LEKR1: variants seen among roughly 807,000 people sequenced by gnomAD.
LEKR1 encodes the protein leucine, glutamate and lysine rich 1, also known as protein LEKR1.
LEKR1 carries 59 observed loss-of-function variants against 72.4 expected under a neutral mutation model. The observed-to-expected ratio is 0.82, with a 90% CI of 0.66 to 1.01. The LOEUF is 1.01. Ranked by LOEUF, LEKR1 falls within the 50% of genes least tolerant of loss-of-function variation. LEKR1 has a pLI of 0.00. For synonymous variants in LEKR1, 257 were observed against 263.2 expected (o/e 0.98, Z 0.23); for missense variants, 728 against 759.2 (o/e 0.96, Z 0.48).
chr3:156,850,679 A>G lies in LEKR1; in HGVS notation c.49-2089A>G, dbSNP rs183458393. Among the ~76,000 whole-genome samples, 397 of 152,278 alleles carry G rather than the reference A, an allele frequency of 2.6e-3. 2 individuals carry two copies. The highest frequency in any genetic ancestry group is 2.6e-4 in the Non-Finnish European group (18 of 68,002). The stretch of plus-strand genomic sequence containing the variant: ...AAGTGCCTGAATCTTCAACAATTAC[A>G]GGCCCAGTTGGCTCATACCAGCTTG... On this transcript the variant is annotated intron_variant, in intron 2 of 12. Transcript: ENST00000356539.
intron 9 of LEKR1, among the ~76,000 whole-genome samples, chr3:157,003,817 A>G (rs956887258): frequency 3.9e-5 from 6 of 152,166 alleles, no homozygotes; most frequent in African/African-American, 1.4e-4. Flanking sequence ...TGTAGCAACC[A>G]CTAAAATAAA....
intron 3 of LEKR1, among the ~76,000 whole-genome samples, chr3:156,887,863 C>T (rs1180935666): frequency 6.6e-6 from 1 of 152,014 alleles, no homozygotes; most frequent in Non-Finnish European, 1.5e-5. Context: ...GATGGTATAT[C>T]TTGAGAAATA....
At chr3:156,858,157 T>C (rs1236447140) in intron 3 of LEKR1, among the ~76,000 whole-genome samples, 7 of 152,152 alleles carry the variant, frequency 4.6e-5, no homozygotes, top group Admixed American at 2.0e-4. Context: ...TATTATAGAG[T>C]ATCCTCTTAT....
intron 9 of LEKR1, among the ~76,000 whole-genome samples, chr3:157,001,926 T>C (rs1267202973): frequency 2.6e-5 from 4 of 152,168 alleles, no homozygotes; most frequent in African/African-American, 9.7e-5. Flanking sequence ...GCTGTAGGGA[T>C]GGATGCATGC....
chr3:156,851,072 T>C (rs1715301241), intron 2 of LEKR1: 1 of 152,086 alleles, frequency 6.6e-6, no homozygotes, highest in Non-Finnish European at 1.5e-5. Context: ...TCTTCTCTCA[T>C]TCTGTTTTAG....
At chr3:157,007,392 G>A (rs1732541327) in intron 9 of LEKR1, among the ~76,000 whole-genome samples, 1 of 152,088 alleles carries the variant, frequency 6.6e-6, no homozygotes, top group Non-Finnish European at 1.5e-5. Context: ...TAGGAGCTGC[G>A]GCAAAAATTG....
At chr3:157,019,614 T>C (rs1733649799) in intron 10 of LEKR1, among the ~76,000 whole-genome samples, 1 of 152,208 alleles carries the variant, frequency 6.6e-6, no homozygotes, top group African/African-American at 2.4e-5. Flanking sequence ...AAAATTACTA[T>C]TAGTTATTGT....
At chr3:156,915,489 T>C (rs1033320725) in intron 3 of LEKR1, among the ~76,000 whole-genome samples, 1 of 152,170 alleles carries the variant, frequency 6.6e-6, no homozygotes, top group Non-Finnish European at 1.5e-5. Context: ...GTGTTTTGAT[T>C]TGCATTTCTC....
chr3:156,916,489 G>T (rs1484010352), intron 3 of LEKR1, among the ~76,000 whole-genome samples: 1 of 151,878 alleles, frequency 6.6e-6, no homozygotes, highest in African/African-American at 2.4e-5. Context: ...CTGGTTAACT[G>T]TTTTCCTATT....
Position 156,865,643 on chromosome 3 carries a change from C to A in LEKR1, c.263+12661C>A, listed in dbSNP as rs1324607400. ...CATTTTCAATTCATTCTTTATTCTG[C>A]AACCTGGTGGTTGTGTCAGAATGCA... On this transcript the variant is annotated intron_variant, in intron 3 of 12. Transcript: ENST00000356539. Among the ~76,000 whole-genome samples, 3 of 152,052 alleles carry A rather than the reference C, an allele frequency of 2.0e-5. No homozygotes were observed. In the East Asian group the frequency reaches 5.8e-4, roughly 29 times the overall value.
chr3:157,024,628 C>T (rs1164582842), intron 10 of LEKR1, 132 bp from the exon 11 acceptor site: 2 of 740,306 alleles, frequency 2.7e-6, no homozygotes, highest in African/African-American at 3.7e-5. Context: ...TTTTTGAACA[C>T]TAGAATTTTT....
At chr3:157,013,385 T>A (rs759899256) in intron 10 of LEKR1, among the ~76,000 whole-genome samples, 11 of 152,176 alleles carry the variant, frequency 7.2e-5, no homozygotes, top group Non-Finnish European at 1.0e-4. Context: ...CTTGAGGTGC[T>A]AACACAGAGT....
At chr3:156,977,550 A>G in intron 6 of LEKR1, 1 of 350,536 alleles carries the variant, frequency 2.9e-6, no homozygotes, top group Non-Finnish European at 5.6e-6. Flanking sequence ...TTGGTGGATA[A>G]CTCAAAGGAA....
chr3:156,995,709 A>G (rs1224265204), intron 9 of LEKR1, among the ~76,000 whole-genome samples: 1 of 152,150 alleles, frequency 6.6e-6, no homozygotes, highest in Admixed American at 6.5e-5. Flanking sequence ...GCTCATGCCT[A>G]TAATCCCAGC....
chr3:156,901,252 T>C (rs1308588452), intron 3 of LEKR1, among the ~76,000 whole-genome samples: 1 of 152,216 alleles, frequency 6.6e-6, no homozygotes, highest in Non-Finnish European at 1.5e-5. Context: ...TTGTCTGCTT[T>C]CAGCAGTACT....
At chr3:156,856,215 A>G (rs1716042447) in intron 3 of LEKR1, among the ~76,000 whole-genome samples, 1 of 152,152 alleles carries the variant, frequency 6.6e-6, no homozygotes, top group Admixed American at 6.6e-5. Context: ...AATATCACTT[A>G]TTAAATTCTT....
At chr3:156,876,957 CT>C (rs35693679) in intron 3 of LEKR1, among the ~76,000 whole-genome samples, 77,090 of 151,962 alleles carry the variant, frequency 0.51, 21,232 homozygotes, top group East Asian at 0.73. Flanking sequence ...TGGCTGTCAG[CT>C]TGTCATAGAT....
intron 10 of LEKR1, among the ~76,000 whole-genome samples, chr3:157,021,720 C>G (rs546150265): frequency 7.4e-4 from 112 of 152,208 alleles, no homozygotes; most frequent in African/African-American, 2.3e-3. Flanking sequence ...ATACTTGATA[C>G]CTTAGCACCT....
At chr3:156,973,148 CTT>C (rs1729390094) in intron 6 of LEKR1, among the ~76,000 whole-genome samples, 1 of 152,004 alleles carries the variant, frequency 6.6e-6, no homozygotes, top group African/African-American at 2.4e-5. Flanking sequence ...TGCAGGCACT[CTT>C]ATTTCTAAAG....
Sources: gnomAD v4.1 joint callset for allele counts (sites outside exome capture counted in the v4.1 genomes callset) on GRCh38, gnomAD v4.1.1 for gene constraint, MANE v1.5 for transcripts, NCBI Gene and HGNC (gene_info 2026-07-23, HGNC 2026-07-21) for gene names.